Variants in ST3GAL3 observed in about 807,000 individuals in gnomAD.
ST3GAL3 encodes ST3 beta-galactoside alpha-2,3-sialyltransferase 3.
A neutral mutation model predicts 50.1 loss-of-function variants in ST3GAL3; 21 were observed. That is an observed-to-expected ratio of 0.42 (90% CI 0.30 to 0.60). The LOEUF (loss-of-function observed/expected upper bound fraction) is 0.60, where lower values mean the gene tolerates loss of function less well. Among genes scored for constraint, ST3GAL3 ranks in the 20% least tolerant of loss-of-function variants. The pLI is 0.19. For synonymous variants in ST3GAL3, 183 were observed against 190.0 expected (o/e 0.96, Z 0.30); for missense variants, 353 against 489.4 (o/e 0.72, Z 2.63).
At chr1:43,830,732 G>T (rs1377380501) in intron 4 of ST3GAL3, among the ~76,000 whole-genome samples, 1 of 152,198 alleles carries the variant, frequency 6.6e-6, no homozygotes, top group Non-Finnish European at 1.5e-5. Flanking sequence ...ACAAGTTCCT[G>T]CACATAGATG....
chr1:43,817,853 C>CTCCTCCTCCTCT (rs1390977421), intron 4 of ST3GAL3, among the ~76,000 whole-genome samples: 8 of 134,754 alleles, frequency 5.9e-5, no homozygotes, highest in Admixed American at 1.5e-4. Flanking sequence ...TCTCCTTCTC[C>CTCCTCCTCCTCT]TCCTCCTCCT....
chr1:43,858,082 G>A, intron 5 of ST3GAL3: 1 of 1,274,606 alleles, frequency 7.8e-7, no homozygotes, highest in Non-Finnish European at 1.0e-6. Context: ...ATAGGGCTGG[G>A]TTGCTCAACC....
At chr1:43,912,915 G>A (rs1451577962) in intron 9 of ST3GAL3, 3 of 152,366 alleles carry the variant, frequency 2.0e-5, no homozygotes, top group African/African-American at 4.8e-5. Flanking sequence ...CTGGCCTTGA[G>A]GAGAAGCTGG....
intron 5 of ST3GAL3, among the ~76,000 whole-genome samples, chr1:43,862,119 T>C (rs2070137779): frequency 6.6e-6 from 1 of 152,082 alleles, no homozygotes; most frequent in African/African-American, 2.4e-5. Context: ...CAGTCTCTGC[T>C]GAGAGAACTG....
Position 43,742,235 on chromosome 1 carries a change from C to T in ST3GAL3, c.118+5855C>T, listed in dbSNP as rs548368711. On this transcript the variant is annotated intron_variant, in intron 2 of 11. Coordinates refer to ENST00000347631, the MANE Select transcript of ST3GAL3 (RefSeq NM_006279.5). The stretch of plus-strand genomic sequence containing the variant: ...ATTAACACTTTGTTAACACCCCTGG[C>T]GTCCAGCTGAGACCCCAGACAGGCC... 4.1e-4 allele frequency among the ~76,000 whole-genome samples: 63 copies of T among 152,180 alleles called. 1 individual carries two copies. The South Asian group carries it at 0.011, about 28-fold the overall frequency.
intron 11 of ST3GAL3, chr1:43,922,087 TG>T: frequency 5.2e-6 from 1 of 192,804 alleles, no homozygotes. Context: ...TCATCATAGC[TG>T]GGCACAGTGG....
intron 1 of ST3GAL3, among the ~76,000 whole-genome samples, chr1:43,717,098 G>A (rs1326374079): frequency 3.3e-5 from 5 of 152,226 alleles, no homozygotes; most frequent in African/African-American, 1.2e-4. Context: ...CCCAGAGTCA[G>A]TTTAATTCAG....
chr1:43,794,367 A>G (rs944235604), intron 3 of ST3GAL3, among the ~76,000 whole-genome samples: 2 of 152,232 alleles, frequency 1.3e-5, no homozygotes, highest in African/African-American at 4.8e-5. Context: ...TGAGATATCA[A>G]TACACATCTA....
Position 43,790,798 on chromosome 1 carries a change from T to G in ST3GAL3, c.119-1304T>G, listed in dbSNP as rs865980242. On this transcript the variant is annotated intron_variant, in intron 2 of 11. Coordinates refer to ENST00000347631, the MANE Select transcript of ST3GAL3 (RefSeq NM_006279.5). ...AGGCACGCGTACCACGCCCAGCTAA[T>G]TTTTTTTTTTTGTATTTTTAGTAGA... Among the ~76,000 whole-genome samples the G allele has an allele frequency of 8.1e-3, 1,184 of 145,904 alleles. 9 individuals are homozygous for G. The highest frequency in any genetic ancestry group is 0.01 in the Non-Finnish European group (686 of 66,312).
chr1:43,838,246 A>C lies in ST3GAL3; in HGVS notation c.237A>C (p.Ala79=). 6.2e-7 allele frequency: 1 copy of C among 1,613,922 alleles called. No homozygotes were observed. ...KLPAELATKY[A]NFSEGACKPG... is the part of the protein sequence containing the mutation. ...CTGCTGAATTAGCCACCAAGTACGC[A>C]AACTTTTCAGAGGGAGCTTGCAAGC... The change falls in exon 5 of 12, where the codon GCA becomes GCC. Residue 79 remains alanine, a synonymous_variant. Transcript: ENST00000347631.
chr1:43,825,586 T>A (rs1323844562), intron 4 of ST3GAL3, among the ~76,000 whole-genome samples: 1 of 152,228 alleles, frequency 6.6e-6, no homozygotes, highest in Non-Finnish European at 1.5e-5. Context: ...AGGGTGGAAC[T>A]TGAGAAGTCT....
intron 2 of ST3GAL3, among the ~76,000 whole-genome samples, chr1:43,767,446 A>G (rs1693510350): frequency 6.6e-6 from 1 of 152,058 alleles, no homozygotes; most frequent in Non-Finnish European, 1.5e-5. Flanking sequence ...TCATCAGGTA[A>G]ATGAAGGGGA....
At chr1:43,780,169 A>G (rs1269507107) in intron 2 of ST3GAL3, among the ~76,000 whole-genome samples, 1 of 152,054 alleles carries the variant, frequency 6.6e-6, no homozygotes, top group African/African-American at 2.4e-5. Flanking sequence ...CTTTATTCTG[A>G]TTTCACACTT....
At chr1:43,777,073 T>TA (rs962115827) in intron 2 of ST3GAL3, among the ~76,000 whole-genome samples, 1 of 152,234 alleles carries the variant, frequency 6.6e-6, no homozygotes, top group African/African-American at 2.4e-5. Flanking sequence ...ATGTATATTA[T>TA]ATAGGTCCTG....
At chr1:43,728,830 CAT>C (rs1256330772) in intron 1 of ST3GAL3, among the ~76,000 whole-genome samples, 4 of 152,170 alleles carry the variant, frequency 2.6e-5, no homozygotes, top group Admixed American at 6.5e-5. Context: ...ATATAACACA[CAT>C]ATATACACAT....
chr1:43,911,873 A>G (rs934603045), intron 9 of ST3GAL3: 3 of 152,000 alleles, frequency 2.0e-5, no homozygotes, highest in African/African-American at 4.8e-5. Flanking sequence ...ATTTTTTCGT[A>G]GAGACGGGTT....
At chr1:43,734,297 C>CTTTTTTTTTTTTTTTTT (rs751937263) in intron 1 of ST3GAL3, among the ~76,000 whole-genome samples, 17 of 114,416 alleles carry the variant, frequency 1.5e-4, no homozygotes, top group South Asian at 8.9e-4. Flanking sequence ...TCTTCTTCTT[C>CTTTTTTTTTTTTTTTTT]TTTTTTTTTT....
intron 3 of ST3GAL3, among the ~76,000 whole-genome samples, chr1:43,800,438 A>G (rs1009172256): frequency 2.0e-5 from 3 of 152,222 alleles, no homozygotes; most frequent in Non-Finnish European, 4.4e-5. Flanking sequence ...CATGTGTGGT[A>G]TGGCCAGGGC....
At chr1:43,801,974 T>TG (rs1372480839) in intron 3 of ST3GAL3, among the ~76,000 whole-genome samples, 2 of 144,728 alleles carry the variant, frequency 1.4e-5, no homozygotes, top group Non-Finnish European at 3.0e-5. Context: ...CACTCCAGCC[T>TG]GGGTGACAGA....
Sources: allele counts gnomAD v4.1 joint callset (sites outside exome capture counted in the v4.1 genomes callset), GRCh38; gene constraint gnomAD v4.1.1; transcripts MANE v1.5; gene names NCBI Gene and HGNC (gene_info 2026-07-23, HGNC 2026-07-21).